The following GSN variants were observed in gnomAD, a reference collection of about 807,000 sequenced individuals.
GSN encodes gelsolin, also known as actin-depolymerizing factor.
In GSN, 56 loss-of-function variants were observed where a neutral mutation model predicts 85.7. The ratio of observed to expected loss-of-function variants is 0.65; its 90% CI spans 0.53 to 0.82. The LOEUF is 0.82. GSN is among the 40% of genes least tolerant of loss of function. The pLI is 0.00. For synonymous variants in GSN, 373 were observed against 399.1 expected (o/e 0.93, Z 0.78); for missense variants, 857 against 979.8 (o/e 0.87, Z 1.67).
At chr9:121,327,153 A>G in intron 13 of GSN, 155 bp from the exon 14 acceptor site, 2 of 777,284 alleles carry the variant, frequency 2.6e-6, no homozygotes, top group Non-Finnish European at 4.7e-6. Context: ...AACCAAGGCC[A>G]TCAGGGTCCA....
rs116510220 is a variant in GSN, at chr9:121,312,594, C to T, written c.663+106C>T. The stretch of plus-strand genomic sequence containing the variant: ...GAATTTGAGGAAAAAAAAAAACTTC[C>T]GCTCTACCCCACCTTTTTATTTTTA... On this transcript the variant is annotated intron_variant, in intron 6 of 17. Coordinates refer to ENST00000432226, the MANE Select transcript of GSN (RefSeq NM_198252.3). 3.4e-3 allele frequency: 2,828 copies of T among 821,416 alleles called. 45 individuals carry two copies. Among genetic ancestry groups the T allele is most frequent in the African/African-American group, 0.027 (1,589 of 57,812 alleles). 50.9% of individuals were successfully genotyped at this position (821,416 alleles called of 1,614,324 possible).
chr9:121,279,387 G>C (rs1287423114), intron 1 of GSN, among the ~76,000 whole-genome samples: 2 of 152,136 alleles, frequency 1.3e-5, no homozygotes, highest in Non-Finnish European at 2.9e-5. Flanking sequence ...TTGTAGGAGG[G>C]AGAGGTTGCA....
At chr9:121,250,275 G>A (rs1402608748) in intron 6 of GSN, among the ~76,000 whole-genome samples, 1 of 149,724 alleles carries the variant, frequency 6.7e-6, no homozygotes, top group African/African-American at 2.5e-5. Context: ...CACAATCTTG[G>A]CTCACTGCAA....
At chr9:121,229,322 G>A (rs2054340874) in intron 4 of GSN, among the ~76,000 whole-genome samples, 2 of 152,242 alleles carry the variant, frequency 1.3e-5, no homozygotes, top group South Asian at 4.1e-4. Flanking sequence ...CTGGGTTCAA[G>A]TGATTCTCCT....
chr9:121,312,385 T>C lies in GSN; in HGVS notation c.560T>C (p.Leu187Pro). The C allele has an allele frequency of 6.2e-7, 1 of 1,614,090 alleles. No homozygotes were observed. The highest frequency in any genetic ancestry group is 8.5e-7 in the Non-Finnish European group (1 of 1,179,954). The change falls in exon 6 of 18, where the codon CTG becomes CCG. Residue 187 changes from leucine (L) to proline (P), a missense_variant. Leu to Pro is a moderately conservative substitution (Grantham distance 98). Coordinates refer to ENST00000432226, the MANE Select transcript of GSN (RefSeq NM_198252.3). ...TCCAACAGCAATCGGTATGAAAGAC[T>C]GAAGGCCACACAGGTGTCCAAGGGC... Reference protein sequence around the residue: ...CGSNSNRYERLKATQVSKGIR... With the variant: ...CGSNSNRYERPKATQVSKGIR...
At chr9:121,263,623 G>T (rs1359378113), upstream of GSN, among the ~76,000 whole-genome samples, 1 of 152,118 alleles carries the variant, frequency 6.6e-6, no homozygotes, top group Admixed American at 6.5e-5. Context: ...GGGCAAGATG[G>T]CTCACGCCTG....
intron 4 of GSN, among the ~76,000 whole-genome samples, chr9:121,215,346 C>G (rs143787714): frequency 1.3e-4 from 19 of 150,064 alleles, no homozygotes; most frequent in Admixed American, 7.3e-4. Context: ...ATTTTTTTTT[C>G]TTTTTGTGGG....
At position 121,329,167 on chromosome 9, in the gene GSN, AG is replaced by A; in HGVS notation, c.1888-66del. ...CTGCAGCCAGCTGTGCCACTCCCTC[AG>A]GGGGCAGATAAAGGAAGGCCACCCA... is the stretch of plus-strand genomic sequence containing the variant. On this transcript the variant is annotated intron_variant, in intron 15 of 17. Transcript: ENST00000432226. The surrounding 1 kb of genome is among the most constrained non-coding windows in gnomAD (Gnocchi z 4.6). 6.9e-7 allele frequency: 1 copy of A among 1,459,182 alleles called. No individual in the cohort carries two copies. The highest frequency in any genetic ancestry group is 1.1e-5 in the South Asian group (1 of 87,704). The allele number at this position is 1,459,182 out of a possible 1,614,324, so 90.4% of individuals were successfully genotyped here.
At chr9:121,252,364 T>C (rs2054857844) in intron 6 of GSN, among the ~76,000 whole-genome samples, 1 of 152,044 alleles carries the variant, frequency 6.6e-6, no homozygotes, top group Non-Finnish European at 1.5e-5. Flanking sequence ...CAGTGGTGGA[T>C]TATGAGTTTG....
intron 6 of GSN, among the ~76,000 whole-genome samples, chr9:121,250,127 C>T (rs539470784): frequency 6.6e-6 from 1 of 151,582 alleles, no homozygotes; most frequent in Non-Finnish European, 1.5e-5. Context: ...GATGCTGTTA[C>T]AAAACTCACA....
At chr9:121,227,607 C>T (rs1301361004) in intron 4 of GSN, among the ~76,000 whole-genome samples, 1 of 152,010 alleles carries the variant, frequency 6.6e-6, no homozygotes, top group Non-Finnish European at 1.5e-5. Flanking sequence ...CCTGTGGAAT[C>T]CAACACAATC....
chr9:121,320,795 G>C (rs1300627338), intron 10 of GSN, among the ~76,000 whole-genome samples: 1 of 152,218 alleles, frequency 6.6e-6, no homozygotes, highest in African/African-American at 2.4e-5. Flanking sequence ...GCCGGGCCCT[G>C]TGCTAGACTT....
At chr9:121,230,268 C>T (rs1366955041) in intron 4 of GSN, among the ~76,000 whole-genome samples, 4 of 152,134 alleles carry the variant, frequency 2.6e-5, no homozygotes, top group African/African-American at 9.7e-5. Context: ...GAGAAAACGG[C>T]TTGCTTTCTC....
chr9:121,207,653 G>C (rs1206884456), upstream of GSN: 4 of 152,190 alleles, frequency 2.6e-5, no homozygotes, highest in African/African-American at 4.8e-5. Flanking sequence ...ATTTGGTGGA[G>C]GGAGTTAATG....
intron 2 of GSN, chr9:121,282,532 C>G: frequency 8.0e-7 from 1 of 1,252,556 alleles, no homozygotes; most frequent in Non-Finnish European, 1.0e-6. Flanking sequence ...CGGAGCTGTT[C>G]CTCTTTCCCA....
chr9:121,327,078 T>A (rs1302775980), intron 13 of GSN: 6 of 693,484 alleles, frequency 8.7e-6, no homozygotes, highest in Non-Finnish European at 1.6e-5. Flanking sequence ...CAACTTCTGT[T>A]AATGCAGCCC....
At chr9:121,250,045 G>A (rs538185999) in intron 6 of GSN, among the ~76,000 whole-genome samples, 5 of 152,100 alleles carry the variant, frequency 3.3e-5, no homozygotes, top group Admixed American at 1.3e-4. Context: ...CCTGAAGCCG[G>A]GATGTAAGTC....
At chr9:121,326,766 C>G (rs748767820) in intron 13 of GSN, 84 bp downstream of exon 13, 3 of 1,192,578 alleles carry the variant, frequency 2.5e-6, no homozygotes, top group Non-Finnish European at 3.8e-6. Context: ...GGCACAGGAA[C>G]GGGGGCAGGG....
chr9:121,271,891 C>T (rs957803822), intron 1 of GSN, among the ~76,000 whole-genome samples: 1 of 152,216 alleles, frequency 6.6e-6, no homozygotes, highest in Non-Finnish European at 1.5e-5. Context: ...ACTGGTCCCC[C>T]CTTTTCATCA....
Sources: allele counts gnomAD v4.1 joint callset (sites outside exome capture counted in the v4.1 genomes callset), GRCh38; gene constraint gnomAD v4.1.1; non-coding constraint Gnocchi (gnomAD v3.1); transcripts MANE v1.5; gene names NCBI Gene and HGNC (gene_info 2026-07-23, HGNC 2026-07-21).